GRIK4: variants seen among roughly 807,000 people sequenced by gnomAD.
GRIK4 encodes glutamate ionotropic receptor kainate type subunit 4.
GRIK4 carries 40 observed loss-of-function variants against 104.9 expected under a neutral mutation model. The ratio of observed to expected loss-of-function variants is 0.38; its 90% CI spans 0.30 to 0.50. GRIK4 has a LOEUF of 0.50. GRIK4 is among the 20% of genes least tolerant of loss of function. The pLI is 0.93. For synonymous variants in GRIK4, 485 were observed against 524.9 expected, an observed-to-expected ratio of 0.92 and a Z score of 1.04; for missense variants, 1,047 against 1,308.1, an observed-to-expected ratio of 0.80 and a Z score of 3.08.
intron 1 of GRIK4, among the ~76,000 whole-genome samples, chr11:120,592,505 C>T (rs1340291601): frequency 6.6e-6 from 1 of 152,196 alleles, no homozygotes; most frequent in Non-Finnish European, 1.5e-5. Context: ...TGGAAGATTT[C>T]CTAACTGAAA....
intron 13 of GRIK4, among the ~76,000 whole-genome samples, chr11:120,934,118 T>C (rs1262222191): frequency 2.8e-5 from 4 of 142,014 alleles, no homozygotes; most frequent in African/African-American, 1.1e-4. Context: ...GGCAGGAGAA[T>C]GGCGTGAACC....
chr11:120,875,514 C>T (rs1429034835), intron 11 of GRIK4, among the ~76,000 whole-genome samples: 2 of 152,124 alleles, frequency 1.3e-5, no homozygotes, highest in Admixed American at 6.5e-5. Flanking sequence ...GGGGGAATTC[C>T]CAGGGAGGAT....
intron 3 of GRIK4, among the ~76,000 whole-genome samples, chr11:120,772,646 C>CAT (rs1565343372): frequency 6.6e-6 from 1 of 151,360 alleles, no homozygotes; most frequent in Non-Finnish European, 1.5e-5. Flanking sequence ...TATGTGCGCG[C>CAT]GTGTGTGTGT....
chr11:120,822,211 CAAAAA>C (rs34732807), intron 6 of GRIK4, among the ~76,000 whole-genome samples: 3 of 71,644 alleles, frequency 4.2e-5, no homozygotes, highest in African/African-American at 4.9e-5. Flanking sequence ...AACCCTATCT[CAAAAA>C]AAAAAAAAAA....
chr11:120,828,784 A>G (rs1420912337), intron 6 of GRIK4, among the ~76,000 whole-genome samples: 1 of 152,122 alleles, frequency 6.6e-6, no homozygotes, highest in East Asian at 1.9e-4. Flanking sequence ...AGCATGTTAT[A>G]TGGGATGGGG....
At chr11:120,920,339 T>A (rs143837005) in intron 13 of GRIK4, among the ~76,000 whole-genome samples, 1 of 152,286 alleles carries the variant, frequency 6.6e-6, no homozygotes, top group African/African-American at 2.4e-5. Flanking sequence ...TCACCTCCTC[T>A]TCTGGCCTGG....
intron 3 of GRIK4, among the ~76,000 whole-genome samples, chr11:120,749,198 C>A (rs1355738190): frequency 6.6e-6 from 1 of 152,052 alleles, no homozygotes; most frequent in African/African-American, 2.4e-5. Context: ...CCCCCCACCC[C>A]ATCCCACTCC....
rs1040891457 is a variant in GRIK4, at chr11:120,940,721, G to A, written c.1590+261G>A. On this transcript the variant is annotated intron_variant, in intron 14 of 20. Transcript: ENST00000527524. This position sits in a 1 kb window ranked among gnomAD's most constrained non-coding sequence, Gnocchi z 4.3. ...ACCAAGAATGGTCATTCAATACTTG[G>A]TGGATCCTGTGTTGGTGATTGGCCC... is the stretch of plus-strand genomic sequence containing the variant. Among the ~76,000 whole-genome samples, 1 of 152,120 alleles carries A rather than the reference G, an allele frequency of 6.6e-6. No individual in the cohort carries two copies. Among genetic ancestry groups the A allele is most frequent in the African/African-American group, 2.4e-5 (1 of 41,420 alleles).
At chr11:120,822,769 C>T (rs1264144992) in intron 6 of GRIK4, among the ~76,000 whole-genome samples, 1 of 152,142 alleles carries the variant, frequency 6.6e-6, no homozygotes, top group East Asian at 1.9e-4. Context: ...TTGGATAACC[C>T]TTCATTCTAT....
At chr11:120,660,113 C>T (rs971647830) in intron 2 of GRIK4, among the ~76,000 whole-genome samples, 156 bp from the exon 3 acceptor site, 1 of 152,208 alleles carries the variant, frequency 6.6e-6, no homozygotes, top group African/African-American at 2.4e-5. Flanking sequence ...CCATGTCGGT[C>T]ACAGAGCTGA....
chr11:120,535,558 A>T (rs1189413215), intron 1 of GRIK4, among the ~76,000 whole-genome samples: 1 of 151,990 alleles, frequency 6.6e-6, no homozygotes, highest in Admixed American at 6.6e-5. Flanking sequence ...GGAGGGAAGG[A>T]GCTGGCTAGG....
chr11:120,786,062 C>T (rs1952264756), intron 3 of GRIK4, among the ~76,000 whole-genome samples: 1 of 152,206 alleles, frequency 6.6e-6, no homozygotes, highest in Non-Finnish European at 1.5e-5. Context: ...TCCTCCCCTG[C>T]CTTGTGCCTG....
chr11:120,880,422 GAGA>G (rs1167582146), intron 11 of GRIK4, among the ~76,000 whole-genome samples: 15 of 152,244 alleles, frequency 9.9e-5, no homozygotes, highest in Non-Finnish European at 1.6e-4. Context: ...GACACAGAGA[GAGA>G]AGAAGTCATG....
chr11:120,578,257 A>G (rs1384409908), intron 1 of GRIK4, among the ~76,000 whole-genome samples: 2 of 152,168 alleles, frequency 1.3e-5, no homozygotes, highest in African/African-American at 4.8e-5. Flanking sequence ...AAATGAGAAC[A>G]TGGAGGGATA....
intron 1 of GRIK4, among the ~76,000 whole-genome samples, chr11:120,651,298 G>C (rs1168172513): frequency 6.6e-6 from 1 of 152,196 alleles, no homozygotes; most frequent in African/African-American, 2.4e-5. Flanking sequence ...ATTGTCTGCA[G>C]TTTTACAGTT....
intron 19 of GRIK4, 149 bp from the exon 20 acceptor site, chr11:120,981,957 G>A: frequency 3.0e-6 from 2 of 663,908 alleles, no homozygotes; most frequent in East Asian, 2.5e-5. Flanking sequence ...CAAGGACTGG[G>A]TGTCTACATG....
In GRIK4 at chr11:120,982,887, T is replaced by C. The variant is rs574078814; in HGVS notation, c.2514+663T>C. 3.1e-4 allele frequency among the ~76,000 whole-genome samples: 47 copies of C among 152,314 alleles called. 1 individual carries two copies. The South Asian group carries it at 9.8e-3, about 32-fold the overall frequency. Reference sequence around the variant, plus strand: ...GAAGTCCGTGGAGTCTGGCCTCACATGGGGCCTTAACACAACACCGCCTGC... The same window carrying C: ...GAAGTCCGTGGAGTCTGGCCTCACACGGGGCCTTAACACAACACCGCCTGC... On this transcript the variant is annotated intron_variant, in intron 20 of 20. Coordinates refer to ENST00000527524, the MANE Select transcript of GRIK4 (RefSeq NM_014619.5).
chr11:120,581,260 C>T (rs1948577234), intron 1 of GRIK4, among the ~76,000 whole-genome samples: 1 of 152,116 alleles, frequency 6.6e-6, no homozygotes, highest in South Asian at 2.1e-4. Flanking sequence ...ACCAAGTATA[C>T]TTATGAAAAT....
intron 3 of GRIK4, among the ~76,000 whole-genome samples, chr11:120,688,868 G>A (rs1054899854): frequency 2.0e-5 from 3 of 152,130 alleles, no homozygotes; most frequent in Non-Finnish European, 4.4e-5. Flanking sequence ...GATGTGGTAT[G>A]GAAGAAAGAG....
Sources: gnomAD v4.1 joint callset for allele counts (sites outside exome capture counted in the v4.1 genomes callset) on GRCh38, gnomAD v4.1.1 for gene constraint, Gnocchi (gnomAD v3.1) non-coding constraint, MANE v1.5 for transcripts, NCBI Gene and HGNC (gene_info 2026-07-23, HGNC 2026-07-21) for gene names.